The following CSMD1 variants were observed in gnomAD, a reference collection of about 807,000 sequenced individuals.
CSMD1 encodes the protein CUB and Sushi multiple domains 1, also known as CUB and sushi domain-containing protein 1.
Under a neutral mutation model 417.5 loss-of-function variants are expected in CSMD1, and 213 were observed. The observed-to-expected ratio is 0.51, with a 90% confidence interval of 0.46 to 0.57. The LOEUF is 0.57. Ranked by LOEUF, CSMD1 falls within the 20% of genes least tolerant of loss-of-function variation. The probability of loss-of-function intolerance (pLI) is 0.00; values close to 1 mark genes in which losing one functional copy is unlikely to be tolerated. For synonymous variants in CSMD1, 2,862 were observed against 1,736.8 expected (o/e 1.65, Z -16.11); for missense variants, 6,923 against 4,529.7 (o/e 1.53, Z -15.17).
chr8:3,566,814 T>A (rs182025760), intron 10 of CSMD1, among the ~76,000 whole-genome samples: 140 of 152,326 alleles, frequency 9.2e-4, no homozygotes, highest in Admixed American at 5.4e-3. Context: ...AAAGGAACAC[T>A]TATACACTGT....
chr8:4,498,948 C>T (rs1280324366), intron 2 of CSMD1, among the ~76,000 whole-genome samples: 6 of 151,926 alleles, frequency 3.9e-5, no homozygotes, highest in Non-Finnish European at 8.8e-5. Flanking sequence ...GCCAGTGGTT[C>T]TATACAAACT....
At chr8:3,759,279 G>C (rs1052469773) in intron 5 of CSMD1, among the ~76,000 whole-genome samples, 1 of 152,118 alleles carries the variant, frequency 6.6e-6, no homozygotes, top group African/African-American at 2.4e-5. Context: ...AATACGGCCT[G>C]TTAATCAGAA....
intron 3 of CSMD1, among the ~76,000 whole-genome samples, chr8:4,104,913 G>C (rs533545985): frequency 2.0e-5 from 3 of 152,024 alleles, no homozygotes; most frequent in African/African-American, 7.3e-5. Context: ...CCCACTGTGA[G>C]TGAGAATTAC....
chr8:4,138,454 C>T (rs1008424527), intron 3 of CSMD1, among the ~76,000 whole-genome samples: 14 of 151,980 alleles, frequency 9.2e-5, no homozygotes, highest in East Asian at 7.7e-4. Context: ...AAACACAGAA[C>T]GCAGGAGGAA....
chr8:4,236,055 T>TTTTTTTTTTTTTTTATTTG (rs1802038108), intron 3 of CSMD1, among the ~76,000 whole-genome samples: 1 of 83,750 alleles, frequency 1.2e-5, no homozygotes, highest in Non-Finnish European at 2.6e-5. Context: ...TTTTTTTTTT[T>TTTTTTTTTTTTTTTATTTG]TTTTTTTTTT....
intron 2 of CSMD1, among the ~76,000 whole-genome samples, chr8:4,448,047 T>C (rs1798919387): frequency 6.6e-6 from 1 of 152,216 alleles, no homozygotes; most frequent in Admixed American, 6.5e-5. Flanking sequence ...TGAGGTTTCC[T>C]GGAATATCAC....
At chr8:3,373,867 A>G (rs953348997) in intron 18 of CSMD1, 4 of 152,152 alleles carry the variant, frequency 2.6e-5, no homozygotes, top group African/African-American at 9.7e-5. Flanking sequence ...ATGGAGGACT[A>G]AGATATGCAG....
chr8:3,906,791 A>C (rs985446858), intron 5 of CSMD1, among the ~76,000 whole-genome samples: 1 of 152,234 alleles, frequency 6.6e-6, no homozygotes, highest in Non-Finnish European at 1.5e-5. Context: ...TTGAACATAT[A>C]TACAGACAAA....
intron 2 of CSMD1, among the ~76,000 whole-genome samples, chr8:4,486,236 TATATATATACATAC>T (rs1288905436): frequency 8.0e-4 from 36 of 44,956 alleles, no homozygotes; most frequent in African/African-American, 2.6e-3. Flanking sequence ...CATACATATA[TATATATATACATAC>T]ATATATATAT....
rs34950037 is a variant in CSMD1, at chr8:4,848,542, C to CTT, written c.85+145788_85+145789dup. On this transcript the variant is annotated intron_variant, in intron 1 of 69. Coordinates refer to ENST00000635120, the MANE Select transcript of CSMD1 (RefSeq NM_033225.6). ...ATAAAATGATGTATAGTACATAATG[C>CTT]TTTTTTTTTTTTTTGAGACGGAGTC... Among the ~76,000 whole-genome samples, 1,097 of 144,754 alleles carry CTT rather than the reference C, an allele frequency of 7.6e-3. 11 individuals carry two copies. The highest frequency in any genetic ancestry group is 0.025 in the African/African-American group (1,005 of 39,750). 95.0% of individuals were successfully genotyped at this position (144,754 alleles called of 152,430 possible).
At chr8:3,628,158 C>A (rs552831657) in intron 7 of CSMD1, among the ~76,000 whole-genome samples, 8 of 152,210 alleles carry the variant, frequency 5.3e-5, no homozygotes, top group African/African-American at 1.9e-4. Flanking sequence ...GTGTAAACCC[C>A]CCTTTGGTTA....
At chr8:4,191,210 C>A (rs1405834750) in intron 3 of CSMD1, among the ~76,000 whole-genome samples, 1 of 152,130 alleles carries the variant, frequency 6.6e-6, no homozygotes, top group Non-Finnish European at 1.5e-5. Context: ...TCCCGGCTAA[C>A]ATGGTGAAAC....
intron 50 of CSMD1, among the ~76,000 whole-genome samples, chr8:3,039,165 A>G (rs942037686): frequency 3.3e-5 from 5 of 151,874 alleles, no homozygotes; most frequent in African/African-American, 1.2e-4. Flanking sequence ...CTGAATTACA[A>G]GAAGGTATAT....
Position 3,411,825 on chromosome 8 carries a change from T to TGTATATATGCACGTATATATGCAC in CSMD1, c.1562-2244_1562-2221dup, listed in dbSNP as rs1363464681. 1.3e-3 allele frequency among the ~76,000 whole-genome samples: 83 copies of TGTATATATGCACGTATATATGCAC among 64,246 alleles called. 8 individuals carry two copies. The highest frequency in any genetic ancestry group is 5.7e-3 in the South Asian group (10 of 1,742). The allele number at this position is 64,246 out of a possible 152,430, so 42.1% of individuals were successfully genotyped here. ...ATATACACGTATATATACGTGTATA[T>TGTATATATGCACGTATATATGCAC]GTATATATGCACGTATATATGCACG... On this transcript the variant is annotated intron_variant, in intron 12 of 69. Transcript: ENST00000635120.
intron 3 of CSMD1, among the ~76,000 whole-genome samples, chr8:4,251,417 A>G (rs1383256330): frequency 1.3e-5 from 2 of 152,196 alleles, no homozygotes. Context: ...TATTTTGAGC[A>G]ATAACATGAG....
At chr8:3,291,161 C>A (rs961512538) in intron 25 of CSMD1, among the ~76,000 whole-genome samples, 1 of 152,188 alleles carries the variant, frequency 6.6e-6, no homozygotes, top group African/African-American at 2.4e-5. Context: ...AGCCTTGCAT[C>A]CCAGGGATGA....
chr8:4,730,196 AG>A (rs1809750554), intron 1 of CSMD1, among the ~76,000 whole-genome samples: 1 of 152,114 alleles, frequency 6.6e-6, no homozygotes, highest in Non-Finnish European at 1.5e-5. Flanking sequence ...GATGGAAAAG[AG>A]GGAGACAGAA....
In CSMD1 at chr8:3,831,181, T is replaced by A. The variant is rs572427785; in HGVS notation, c.819-77139A>T. The stretch of plus-strand genomic sequence containing the variant: ...ACCCAATTTATCTAGAGACTCTACA[T>A]TGATGAGTGGATAGATTTTTCACAA... On this transcript the variant is annotated intron_variant, in intron 5 of 69. Coordinates refer to ENST00000635120, the MANE Select transcript of CSMD1 (RefSeq NM_033225.6). 4.6e-5 allele frequency among the ~76,000 whole-genome samples: 7 copies of A among 152,312 alleles called. No individual in the cohort carries two copies. In the South Asian group the frequency reaches 1.2e-3, roughly 27 times the overall value.
chr8:3,740,075 T>C (rs903691852), intron 6 of CSMD1, among the ~76,000 whole-genome samples: 3 of 152,202 alleles, frequency 2.0e-5, no homozygotes, highest in Non-Finnish European at 4.4e-5. Context: ...GAGTAAAAGA[T>C]GCAACAAAGG....
Sources: gnomAD v4.1 joint callset for allele counts (sites outside exome capture counted in the v4.1 genomes callset) on GRCh38, gnomAD v4.1.1 for gene constraint, MANE v1.5 for transcripts, NCBI Gene and HGNC (gene_info 2026-07-23, HGNC 2026-07-21) for gene names.